TAB2: variants seen among roughly 807,000 people sequenced by gnomAD.
TAB2 encodes the protein TGF-beta-activated kinase 1 and MAP3K7-binding protein 2.
In TAB2, 3 loss-of-function variants were observed where a neutral mutation model predicts 65.0. The observed-to-expected ratio is 0.05, with a 90% CI of 0.02 to 0.12. The LOEUF (loss-of-function observed/expected upper bound fraction) is 0.12, where lower values mean the gene tolerates loss of function less well. TAB2 is among the 10% of genes least tolerant of loss of function. The probability of loss-of-function intolerance (pLI) is 1.00; values close to 1 mark genes in which losing one functional copy is unlikely to be tolerated. For missense variants in TAB2, 623 were observed against 840.3 expected (o/e 0.74, Z 3.20); for synonymous variants, 298 against 285.1 (o/e 1.05, Z -0.46).
At chr6:149,345,832 T>G (rs1780278038) in intron 1 of TAB2, among the ~76,000 whole-genome samples, 1 of 152,220 alleles carries the variant, frequency 6.6e-6, no homozygotes, top group African/African-American at 2.4e-5. Flanking sequence ...GCATCTTGAT[T>G]TTTTTTCAGT....
chr6:149,340,064 G>A (rs1183942354), intron 1 of TAB2, among the ~76,000 whole-genome samples: 1 of 152,130 alleles, frequency 6.6e-6, no homozygotes, highest in Non-Finnish European at 1.5e-5. Flanking sequence ...AAATAAGGGT[G>A]TTGGACTAGA....
chr6:149,332,699 A>G (rs1372129376), intron 1 of TAB2, among the ~76,000 whole-genome samples: 1 of 152,192 alleles, frequency 6.6e-6, no homozygotes, highest in African/African-American at 2.4e-5. Flanking sequence ...TTACAGATAA[A>G]AACAGCCAGA....
rs1554255826 is a variant in TAB2, at chr6:149,275,234, G to GAA, written c.-121+56459_-121+56460insAA. Among the ~76,000 whole-genome samples, 421 of 65,352 alleles carry GAA rather than the reference G, an allele frequency of 6.4e-3. 2 individuals are homozygous for GAA. Among genetic ancestry groups the GAA allele is most frequent in the African/African-American group, 0.029 (326 of 11,410 alleles). The allele number at this position is 65,352 out of a possible 152,430, so 42.9% of individuals were successfully genotyped here. A position where few individuals can be genotyped will look rare whatever the true frequency, so the allele number is the denominator to read the frequency against. ...TTGGGCGGGGGAGGGGGGAGAGAGA[G>GAA]AGAAAGAAAGAAAGAAAGAAAGAAA... is the stretch of plus-strand genomic sequence containing the variant. On this transcript the variant is annotated intron_variant, in intron 1 of 1. Coordinates refer to the TAB2 transcript ENST00000606202.
chr6:149,380,612 AG>A (rs1463947307), intron 3 of TAB2, among the ~76,000 whole-genome samples: 1 of 152,194 alleles, frequency 6.6e-6, no homozygotes, highest in Non-Finnish European at 1.5e-5. Context: ...AAGAAGGTGG[AG>A]GTTATTCATT....
intron 2 of TAB2, 99 bp from the exon 3 acceptor site, chr6:149,377,919 G>T: frequency 1.1e-6 from 1 of 882,402 alleles, no homozygotes; most frequent in Non-Finnish European, 1.8e-6. Context: ...TGTTATAATT[G>T]TATTAGCCAG....
intron 1 of TAB2, chr6:149,218,795 A>T (rs773098699): frequency 1.8e-4 from 81 of 456,022 alleles, no homozygotes; most frequent in Non-Finnish European, 3.0e-4. Context: ...GGAAACAGTC[A>T]TTGTTTCTGG....
chr6:149,223,738 G>T (rs1583030352), intron 1 of TAB2, among the ~76,000 whole-genome samples: 1 of 152,074 alleles, frequency 6.6e-6, no homozygotes, highest in Non-Finnish European at 1.5e-5. Flanking sequence ...ATTTAGTGAT[G>T]CTTTCAATGA....
intron 1 of TAB2, among the ~76,000 whole-genome samples, chr6:149,274,654 TA>T (rs1423480414): frequency 6.6e-6 from 1 of 151,786 alleles, no homozygotes; most frequent in Admixed American, 6.6e-5. Flanking sequence ...TGAGAAAGGG[TA>T]AAAAAAGAGT....
intron 1 of TAB2, among the ~76,000 whole-genome samples, chr6:149,259,800 G>A (rs1189842108): frequency 6.6e-6 from 1 of 152,152 alleles, no homozygotes; most frequent in Non-Finnish European, 1.5e-5. Context: ...GATACAAGTG[G>A]CCCAAAGCCA....
chr6:149,232,804 T>C (rs6901046), intron 1 of TAB2, among the ~76,000 whole-genome samples: 13,699 of 152,118 alleles, frequency 0.09, 1,002 homozygotes, highest in African/African-American at 0.21. Flanking sequence ...CTTGGAGAAG[T>C]AGGCTCCAAG....
chr6:149,219,874 C>A (rs1777103346), intron 1 of TAB2, among the ~76,000 whole-genome samples: 1 of 152,156 alleles, frequency 6.6e-6, no homozygotes, highest in Non-Finnish European at 1.5e-5. Context: ...AATGTCAGGA[C>A]CTCTTTACGC....
Position 149,339,609 on chromosome 6 carries a change from T to A in TAB2, c.-90+21594T>A, listed in dbSNP as rs868740553. ...TTTTTATTTATTTATTTATTTATTT[T>A]TTTTTTTTTTTGAGACGGAGTCTCT... On this transcript the variant is annotated intron_variant, in intron 1 of 6. Coordinates refer to ENST00000637181, the MANE Select transcript of TAB2 (RefSeq NM_001292034.3). 7.3e-3 allele frequency among the ~76,000 whole-genome samples: 952 copies of A among 129,802 alleles called. 4 individuals carry two copies. Among genetic ancestry groups the A allele is most frequent in the African/African-American group, 9.9e-3 (345 of 34,976 alleles). The allele number at this position is 129,802 out of a possible 152,430, so 85.2% of individuals were successfully genotyped here.
At chr6:149,358,389 C>G (rs1257129791) in intron 1 of TAB2, among the ~76,000 whole-genome samples, 1 of 152,176 alleles carries the variant, frequency 6.6e-6, no homozygotes, top group Admixed American at 6.5e-5. Flanking sequence ...TGCTCGCATC[C>G]TGTTGAACTC....
In TAB2 at chr6:149,379,488, A is replaced by G. The variant is rs142662439; in HGVS notation, c.1573A>G (p.Met525Val). ...AATAAGTGAAACACGGAAACTGAGT[A>G]TGGGATCTGATGATGCTGCCTACAC... ...DRISETRKLS[M>V]GSDDAAYTQA... The change falls in exon 3 of 7, where the codon ATG (methionine) becomes GTG (valine). Residue 525 changes from methionine (M) to valine (V), a missense_variant. Transcript: ENST00000637181. 31 of 1,614,040 alleles carry G rather than the reference A, an allele frequency of 1.9e-5. No individual in the cohort carries two copies. The highest frequency in any genetic ancestry group is 6.7e-5 in the Admixed American group (4 of 60,006).
At chr6:149,258,813 G>A (rs943387800) in intron 1 of TAB2, among the ~76,000 whole-genome samples, 3 of 152,240 alleles carry the variant, frequency 2.0e-5, no homozygotes, top group African/African-American at 7.2e-5. Flanking sequence ...TAAGGTTGAA[G>A]GTGGAAGCAA....
At chr6:149,263,253 A>C (rs994087489) in intron 1 of TAB2, among the ~76,000 whole-genome samples, 3 of 152,240 alleles carry the variant, frequency 2.0e-5, no homozygotes, top group African/African-American at 7.2e-5. Context: ...GAGCTGTTAA[A>C]ATATTGTTAC....
intron 1 of TAB2, among the ~76,000 whole-genome samples, chr6:149,255,707 C>G (rs1778013060): frequency 6.6e-6 from 1 of 152,142 alleles, no homozygotes; most frequent in Non-Finnish European, 1.5e-5. Flanking sequence ...TTTCTTTCTT[C>G]TTTCAATGGG....
intron 1 of TAB2, among the ~76,000 whole-genome samples, chr6:149,270,082 C>T (rs1007893573): frequency 6.6e-6 from 1 of 152,226 alleles, no homozygotes; most frequent in Non-Finnish European, 1.5e-5. Context: ...GTTCCAATTG[C>T]TCCAAATTCT....
At chr6:149,387,565 A>T (rs1305837335) in intron 3 of TAB2, among the ~76,000 whole-genome samples, 1 of 152,114 alleles carries the variant, frequency 6.6e-6, no homozygotes, top group East Asian at 1.9e-4. Context: ...CTTTTTCAAG[A>T]TAGGCTTGGC....
Sources: allele counts gnomAD v4.1 joint callset (sites outside exome capture counted in the v4.1 genomes callset), GRCh38; gene constraint gnomAD v4.1.1; transcripts MANE v1.5; gene names NCBI Gene and HGNC (gene_info 2026-07-23, HGNC 2026-07-21).